Variants in KLF17 observed in about 807,000 individuals in gnomAD.
The protein encoded by KLF17 is Krueppel-like factor 17.
KLF17 carries 31 observed loss-of-function variants against 34.2 expected under a neutral mutation model. That is an observed-to-expected ratio of 0.91 (90% CI 0.68 to 1.22). The LOEUF is 1.22. KLF17 is among the 50% of genes most tolerant of loss of function. The pLI, the probability that KLF17 is intolerant of heterozygous loss-of-function variation, is 0.00. For missense variants in KLF17, 478 were observed against 505.2 expected, an observed-to-expected ratio of 0.95 and a Z score of 0.52; for synonymous variants, 179 against 186.7, an observed-to-expected ratio of 0.96 and a Z score of 0.34.
Position 44,129,936 on chromosome 1 carries a change from T to C in KLF17, c.665T>C (p.Met222Thr). The C allele has an allele frequency of 6.2e-7, 1 of 1,614,180 alleles. No homozygotes were observed. Among genetic ancestry groups the C allele is most frequent in the Non-Finnish European group, 8.5e-7 (1 of 1,180,030 alleles). ...LPPQDAHDLGMPPAESQSLLV... is the reference protein window; with the variant it reads ...LPPQDAHDLGTPPAESQSLLV... Reference sequence around the variant, plus strand: ...CCGCAAGATGCCCATGACCTTGGGATGCCCCCAGCTGAGTCCCAGTCATTG... The same window carrying C: ...CCGCAAGATGCCCATGACCTTGGGACGCCCCCAGCTGAGTCCCAGTCATTG... The change falls in exon 2 of 4, where the codon ATG becomes ACG. Residue 222 changes from methionine (M) to threonine (T), a missense_variant. Coordinates refer to ENST00000372299, the MANE Select transcript of KLF17 (RefSeq NM_173484.4).
intron 3 of KLF17, among the ~76,000 whole-genome samples, chr1:44,132,130 A>G (rs1249504846): frequency 2.7e-5 from 4 of 149,796 alleles, no homozygotes; most frequent in African/African-American, 9.8e-5. Context: ...ATATGGTGAA[A>G]CCCTGTCTCT....
At chr1:44,062,030 T>A in the KLF17 span, among the ~76,000 whole-genome samples, 1 of 152,230 alleles carries the variant, frequency 6.6e-6, no homozygotes, top group Non-Finnish European at 1.5e-5. Flanking sequence ...ACCACCACAC[T>A]GCCACCTCAG....
At chr1:44,130,827 C>CAAAA in intron 3 of KLF17, 71 bp downstream of exon 3, 1 of 1,459,196 alleles carries the variant, frequency 6.9e-7, no homozygotes, top group Non-Finnish European at 9.4e-7. Flanking sequence ...GACGGAGTCT[C>CAAAA]ACTCTGTCTC....
chr1:44,080,440 A>T, the KLF17 span, among the ~76,000 whole-genome samples: 1 of 150,880 alleles, frequency 6.6e-6, no homozygotes, highest in Admixed American at 6.6e-5. Context: ...GGGTTTCACC[A>T]TGTTAGCCAG....
chr1:44,071,126 A>G, the KLF17 span, among the ~76,000 whole-genome samples: 3 of 152,074 alleles, frequency 2.0e-5, no homozygotes, highest in African/African-American at 7.2e-5. Flanking sequence ...GATAAATCCA[A>G]TGGGCGTGTT....
the KLF17 span, among the ~76,000 whole-genome samples, chr1:44,086,513 A>C: frequency 6.6e-6 from 1 of 151,946 alleles, no homozygotes; most frequent in East Asian, 1.9e-4. Flanking sequence ...ATAAAAATAA[A>C]TTAAAAGCAG....
chr1:44,110,827 C>G, the KLF17 span, among the ~76,000 whole-genome samples: 1 of 151,864 alleles, frequency 6.6e-6, no homozygotes, highest in Non-Finnish European at 1.5e-5. Context: ...AAAAATTGGT[C>G]AGAATTGTGC....
upstream of KLF17, chr1:44,114,234 T>A (rs1174688360): frequency 6.6e-6 from 1 of 152,210 alleles, no homozygotes; most frequent in Non-Finnish European, 1.5e-5. Flanking sequence ...TCCTCTGAGG[T>A]GCTGGTTGCT....
chr1:44,127,648 TTC>T (rs2088030041), intron 1 of KLF17, among the ~76,000 whole-genome samples: 1 of 54,340 alleles, frequency 1.8e-5, no homozygotes, highest in Non-Finnish European at 3.7e-5. Flanking sequence ...CCTTCTTTCT[TTC>T]TTTCTTTCTT....
chr1:44,130,265 G>A, intron 2 of KLF17, 69 bp downstream of exon 2: 2 of 1,538,750 alleles, frequency 1.3e-6, no homozygotes, highest in South Asian at 1.3e-5. Context: ...TGGGCCACTG[G>A]TGGGTAATTG....
chr1:44,099,385 C>T, the KLF17 span, among the ~76,000 whole-genome samples: 1 of 152,046 alleles, frequency 6.6e-6, no homozygotes, highest in Non-Finnish European at 1.5e-5. Context: ...GCCTGCATGA[C>T]AGAGCAAGAC....
At chr1:44,057,095 G>C in the KLF17 span, among the ~76,000 whole-genome samples, 1 of 151,956 alleles carries the variant, frequency 6.6e-6, no homozygotes, top group Admixed American at 6.6e-5. Flanking sequence ...GGTGTTTGGT[G>C]GTTTACAGAT....
chr1:44,055,125 C>T, the KLF17 span, among the ~76,000 whole-genome samples: 1 of 152,070 alleles, frequency 6.6e-6, no homozygotes, highest in Admixed American at 6.6e-5. Flanking sequence ...AAGGACTGTC[C>T]CAGGCTTAAA....
chr1:44,065,592 T>C, the KLF17 span, among the ~76,000 whole-genome samples: 1 of 151,910 alleles, frequency 6.6e-6, no homozygotes, highest in Non-Finnish European at 1.5e-5. Context: ...GTATTTTTAG[T>C]AGAGACGGGG....
chr1:44,118,894 C>A lies in KLF17; in HGVS notation c.-14C>A, dbSNP rs1557728200. ...TGTCTCTTCAGTAGAGAGTCTAGAC[C>A]CCACCCAGTCTTCATGTACGGCCGA... On this transcript the variant is annotated 5_prime_UTR_variant, in exon 1 of 4. Coordinates refer to ENST00000372299, the MANE Select transcript of KLF17 (RefSeq NM_173484.4). The A allele has an allele frequency of 1.9e-6, 3 of 1,606,880 alleles. No individual in the cohort carries two copies. The highest frequency in any genetic ancestry group is 2.2e-5 in the South Asian group (2 of 89,566).
chr1:44,056,486 C>T, the KLF17 span, among the ~76,000 whole-genome samples: 36 of 152,270 alleles, frequency 2.4e-4, no homozygotes, highest in Admixed American at 5.9e-4. Context: ...CAAGCCACTC[C>T]GTGAAGCTCT....
intron 1 of KLF17, among the ~76,000 whole-genome samples, chr1:44,128,669 C>T (rs76285192): frequency 0.06 from 9,200 of 152,256 alleles, 643 homozygotes; most frequent in African/African-American, 0.17. Context: ...TGGCTTTCTG[C>T]ACCCGTTCTG....
In KLF17 at chr1:44,118,914, G is replaced by A; in HGVS notation, c.7G>A (p.Gly3Ser). 2 of 1,611,668 alleles carry A rather than the reference G, an allele frequency of 1.2e-6. No homozygotes were observed. The highest frequency in any genetic ancestry group is 1.7e-6 in the Non-Finnish European group (2 of 1,179,078). Residue 3 changes from glycine to serine, a missense_variant, in exon 1 of 4, where the codon GGC becomes AGC. By Grantham distance (56) the Gly-to-Ser change is moderately conservative. Coordinates refer to ENST00000372299, the MANE Select transcript of KLF17 (RefSeq NM_173484.4). Reference sequence around the variant, plus strand: ...TAGACCCCACCCAGTCTTCATGTACGGCCGACCGCAGGCTGAGATGGAACA... The same window carrying A: ...TAGACCCCACCCAGTCTTCATGTACAGCCGACCGCAGGCTGAGATGGAACA... MYGRPQAEMEQEA... is the reference protein window; with the variant it reads MYSRPQAEMEQEA...
rs538463042 is a variant in KLF17 at position 44,124,720 on chromosome 1, T to A, written c.82-4633T>A. Among the ~76,000 whole-genome samples, 14 of 152,242 alleles carry A rather than the reference T, an allele frequency of 9.2e-5. No individual in the cohort carries two copies. In the South Asian group the frequency reaches 2.5e-3, roughly 27 times the overall value. On this transcript the variant is annotated intron_variant, in intron 1 of 3. Coordinates refer to ENST00000372299, the MANE Select transcript of KLF17 (RefSeq NM_173484.4). ...CATGTTGGCCAGGCTTGTCTCGAAC[T>A]CCTGACCTCAAGTGATCCACCCACC...
Sources: allele counts gnomAD v4.1 joint callset (sites outside exome capture counted in the v4.1 genomes callset), GRCh38; gene constraint gnomAD v4.1.1; transcripts MANE v1.5; gene names NCBI Gene and HGNC (gene_info 2026-07-23, HGNC 2026-07-21).